DDX51: variants seen among roughly 807,000 people sequenced by gnomAD.
DDX51 encodes DEAD-box helicase 51.
DDX51 carries 67 observed loss-of-function variants against 74.6 expected under a neutral mutation model. The observed-to-expected ratio is 0.90, with a 90% CI of 0.74 to 1.10. DDX51 has a LOEUF of 1.10. Ranked by LOEUF, DDX51 falls within the 50% of genes least tolerant of loss-of-function variation. The probability of loss-of-function intolerance (pLI) is 0.00; values close to 1 mark genes in which losing one functional copy is unlikely to be tolerated. For missense variants in DDX51, 1,056 were observed against 905.2 expected (o/e 1.17, Z -2.14); for synonymous variants, 545 against 402.9 (o/e 1.35, Z -4.22).
rs959236342 is a variant in DDX51, at chr12:132,141,556, C to T, written c.1046G>A (p.Arg349His). ...GGTCTGGTCGATGTGGTCCACCAGGCGGCCGGGGGTGGCTACCACGATGTC... is the reference window on the plus strand; with the variant it reads ...GGTCTGGTCGATGTGGTCCACCAGGTGGCCGGGGGTGGCTACCACGATGTC... ...LADIVVATPG[R>H]LVDHIDQTPG... Residue 349 changes from arginine (R) to histidine (H), a missense_variant, in exon 7 of 15, where the codon CGC becomes CAC. By Grantham distance (29) the Arg-to-His change is conservative. Coordinates refer to ENST00000397333, the MANE Select transcript of DDX51 (RefSeq NM_175066.4). 1.1e-5 allele frequency: 17 copies of T among 1,604,136 alleles called. No homozygotes were observed. The highest frequency in any genetic ancestry group is 2.2e-5 in the South Asian group (2 of 90,694).
At chr12:132,139,465 G>T in intron 14 of DDX51, 167 bp from the exon 15 acceptor site, 1 of 1,521,270 alleles carries the variant, frequency 6.6e-7, no homozygotes, top group Non-Finnish European at 9.1e-7. Context: ...TTCCACCACT[G>T]GTGCCCAGGG....
In DDX51 at chr12:132,142,303, G is replaced by C. The variant is rs1459880451; in HGVS notation, c.790C>G (p.Leu264Val). Residue 264 changes from leucine to valine, a missense_variant, in exon 4 of 15, where the codon CTG becomes GTG. Coordinates refer to ENST00000397333, the MANE Select transcript of DDX51 (RefSeq NM_175066.4). ...TGCACCACAGGGATGACGAAGGCCA[G>C]TGTCTTCCCACTGCCTGTTGGGGCA... ...VSAPTGSGKT[L>V]AFVIPVVQAL... 6.2e-7 allele frequency: 1 copy of C among 1,613,000 alleles called. No individual in the cohort carries two copies. The highest frequency in any genetic ancestry group is 1.7e-5 in the Admixed American group (1 of 59,998).
chr12:132,140,234 C>G, intron 11 of DDX51, 35 bp from the exon 12 acceptor site: 1 of 1,600,220 alleles, frequency 6.2e-7, no homozygotes. Context: ...GCCCGACGTG[C>G]CAGGAGCAGG....
intron 13 of DDX51, 38 bp from the exon 14 acceptor site, chr12:132,139,807 C>T (rs773084442): frequency 1.2e-6 from 2 of 1,612,640 alleles, no homozygotes; most frequent in African/African-American, 2.7e-5. Flanking sequence ...GTTCTTGGGC[C>T]AGCCCCTTAA....
At position 132,141,831 on chromosome 12, in the gene DDX51, G is replaced by A. The variant is rs370652076; in HGVS notation, c.995+19C>T. 62 of 1,611,892 alleles carry A rather than the reference G, an allele frequency of 3.8e-5. No individual in the cohort carries two copies. Among genetic ancestry groups the A allele is most frequent in the South Asian group, 1.3e-4 (12 of 91,072 alleles). ...TGAGCAGGGACCCCCTGAAAAACCC[G>A]CACCCTGACACAACCTACGTTTTCT... On this transcript the variant is annotated intron_variant, in intron 6 of 14. Coordinates refer to ENST00000397333, the MANE Select transcript of DDX51 (RefSeq NM_175066.4).
Position 132,144,313 on chromosome 12 carries a change from G to T in DDX51, c.-17C>A. 3.0e-6 allele frequency: 4 copies of T among 1,342,602 alleles called. No individual in the cohort carries two copies. Among genetic ancestry groups the T allele is most frequent in the Middle Eastern group, 2.8e-4 (1 of 3,624 alleles). The allele number at this position is 1,342,602 out of a possible 1,614,324, so 83.2% of individuals were successfully genotyped here. On this transcript the variant is annotated 5_prime_UTR_variant, in exon 1 of 15. Transcript: ENST00000397333. ...CAGCGCCATGGCCAGCCGCACGCCT[G>T]GGACTCGGGCGTGGCGCGCTGCGAT...
At chr12:132,139,343 T>A in intron 14 of DDX51, 45 bp from the exon 15 acceptor site, 1 of 1,597,508 alleles carries the variant, frequency 6.3e-7, no homozygotes, top group Admixed American at 1.7e-5. Flanking sequence ...CTCTGTCCCC[T>A]CATCGTCTGT....
Position 132,142,953 on chromosome 12 carries a change from T to C in DDX51, c.520-75A>G, listed in dbSNP as rs148236756. Reference sequence around the variant, plus strand: ...CGCAGAAGCCCACGGTGGAAAAAGCTAGGGGAGGGAGGCTGGGGAAACCTC... The same window carrying C: ...CGCAGAAGCCCACGGTGGAAAAAGCCAGGGGAGGGAGGCTGGGGAAACCTC... On this transcript the variant is annotated intron_variant, in intron 2 of 14. Coordinates refer to ENST00000397333, the MANE Select transcript of DDX51 (RefSeq NM_175066.4). 484 of 1,596,634 alleles carry C rather than the reference T, an allele frequency of 3.0e-4. 6 individuals are homozygous for C. In the East Asian group the frequency reaches 0.011, roughly 35 times the overall value.
In DDX51 at chr12:132,141,774, G is replaced by C. The variant is rs528794538; in HGVS notation, c.995+76C>G. On this transcript the variant is annotated intron_variant, in intron 6 of 14. Transcript: ENST00000397333. ...GGTTAAAGATGGTGGCCCCTCCTCT[G>C]CTCCCACGGTGCCTCAGGCCACCTG... is the stretch of plus-strand genomic sequence containing the variant. 1.4e-5 allele frequency: 22 copies of C among 1,539,738 alleles called. No individual in the cohort carries two copies. In the South Asian group the frequency reaches 2.3e-4, roughly 16 times the overall value.
In DDX51 at chr12:132,140,531, AG is replaced by A. The variant is rs748313840; in HGVS notation, c.1564del (p.Leu522CysfsTer25). ...NSRENSHRLF[L>X]LVQAFGGVDV... ...CACACCCCCAAAAGCTTGCACCAGC[AG>A]GAAGAGCCTAGGCAGAGAGAAGGCT... On this transcript the variant is annotated frameshift_variant, in exon 11 of 15. Coordinates refer to ENST00000397333, the MANE Select transcript of DDX51 (RefSeq NM_175066.4). LOFTEE classifies it high-confidence loss of function. 5.3e-5 allele frequency: 85 copies of A among 1,612,932 alleles called. No individual in the cohort carries two copies. The highest frequency in any genetic ancestry group is 7.0e-5 in the Non-Finnish European group (83 of 1,180,014).
intron 11 of DDX51, 78 bp downstream of exon 11, chr12:132,140,345 C>G: frequency 6.3e-7 from 1 of 1,585,216 alleles, no homozygotes. Context: ...GAAGGAAGCA[C>G]CTTTTAGAGA....
In DDX51 at chr12:132,139,937, G is replaced by A. The variant is rs760956660; in HGVS notation, c.1776-13C>T. ...TGTCCTCCCAACCCTGGAATCAAACGCAGCTATCTCCAGACTGGCCCCTGA... is the reference window on the plus strand; with the variant it reads ...TGTCCTCCCAACCCTGGAATCAAACACAGCTATCTCCAGACTGGCCCCTGA... On this transcript the variant is annotated splice_polypyrimidine_tract_variant and intron_variant, in intron 12 of 14. Coordinates refer to ENST00000397333, the MANE Select transcript of DDX51 (RefSeq NM_175066.4). 22 of 1,612,884 alleles carry A rather than the reference G, an allele frequency of 1.4e-5. No homozygotes were observed. The highest frequency in any genetic ancestry group is 3.3e-5 in the South Asian group (3 of 91,084).
At chr12:132,143,003 C>T (rs1897535072) in intron 2 of DDX51, 125 bp from the exon 3 acceptor site, 1 of 1,300,830 alleles carries the variant, frequency 7.7e-7, no homozygotes, top group South Asian at 1.2e-5. Context: ...CCTTCTCAGC[C>T]CCAGGATGCG....
rs1897432017 is a variant in DDX51, at chr12:132,140,933, G to A, written c.1338C>T (p.Leu446=). The A allele has an allele frequency of 9.3e-6, 15 of 1,613,360 alleles. No homozygotes were observed. The highest frequency in any genetic ancestry group is 1.1e-5 in the Non-Finnish European group (13 of 1,179,940). Reference sequence around the variant, plus strand: ...CTGTGGAGAAAAGCCGGGGCTGGTGGAGGCCCAGCTGCTGCAGCTTTTCAG... The same window carrying A: ...CTGTGGAGAAAAGCCGGGGCTGGTGAAGGCCCAGCTGCTGCAGCTTTTCAG... ...QNPEKLQQLG[L]HQPRLFSTGL... The change falls in exon 9 of 15, where the codon CTC becomes CTT. Residue 446 remains leucine (L), a synonymous_variant. Coordinates refer to ENST00000397333, the MANE Select transcript of DDX51 (RefSeq NM_175066.4).
rs375705135 is a variant in DDX51 at position 132,139,631 on chromosome 12, T to C, written c.1974+4A>G. 2 of 1,613,042 alleles carry C rather than the reference T, an allele frequency of 1.2e-6. No individual in the cohort carries two copies. Among genetic ancestry groups the C allele is most frequent in the African/African-American group, 1.3e-5 (1 of 74,940 alleles). On this transcript the variant is annotated splice_donor_region_variant and intron_variant, in intron 14 of 14. Coordinates refer to ENST00000397333, the MANE Select transcript of DDX51 (RefSeq NM_175066.4). Reference sequence around the variant, plus strand: ...GGTTTCATGCCGGACTCTGGTGCCCTTACCTTGACAGACTCCTCCAGCTGG... The same window carrying C: ...GGTTTCATGCCGGACTCTGGTGCCCCTACCTTGACAGACTCCTCCAGCTGG...
At chr12:132,142,900 G>A (rs1897528803) in intron 2 of DDX51, 22 bp from the exon 3 acceptor site, 11 of 1,611,564 alleles carry the variant, frequency 6.8e-6, no homozygotes, top group African/African-American at 1.3e-5. Context: ...AAGAAAGAGA[G>A]GCCAGGTGAG....
rs999520576 is a variant in DDX51, at chr12:132,142,356, C to G, written c.737G>C (p.Gly246Ala). ...AACACAGAGGTCGCTAGGCCGGTAG[C>G]CACCTCTGCCCACCAGAAACCCACA... is the stretch of plus-strand genomic sequence containing the variant. Reference protein sequence around the residue: ...AACGFLVGRGGYRPSDLCVSA... With the variant: ...AACGFLVGRGAYRPSDLCVSA... Residue 246 changes from glycine to alanine, a missense_variant, in exon 4 of 15, where the codon GGC becomes GCC. By Grantham distance (60) the Gly-to-Ala change is moderately conservative. Transcript: ENST00000397333. 1 of 1,612,970 alleles carries G rather than the reference C, an allele frequency of 6.2e-7. No individual in the cohort carries two copies.
Position 132,143,713 on chromosome 12 carries a change from C to T in DDX51, c.501G>A (p.Gly167=), listed in dbSNP as rs1006920757. The change falls in exon 2 of 15, where the codon GGG becomes GGA. Residue 167 remains glycine (G), a synonymous_variant. Transcript: ENST00000397333. ...LVPGLVLGGF[G]KRKAPKVQPF... ...GGCTCACCTTCGGCGCCTTCCTCTT[C>T]CCGAACCCCCCCAGCACCAGGCCGG... The T allele has an allele frequency of 6.5e-6, 10 of 1,540,458 alleles. No individual in the cohort carries two copies. The highest frequency in any genetic ancestry group is 7.9e-6 in the Non-Finnish European group (9 of 1,145,216).
At chr12:132,139,445 T>C (rs1410230135) in intron 14 of DDX51, 147 bp from the exon 15 acceptor site, 1 of 1,511,554 alleles carries the variant, frequency 6.6e-7, no homozygotes, top group Admixed American at 1.8e-5. Context: ...CCCTCCCTGG[T>C]GCCACGTGTT....
Sources: allele counts gnomAD v4.1 joint callset, GRCh38; gene constraint gnomAD v4.1.1; transcripts MANE v1.5; gene names NCBI Gene and HGNC (gene_info 2026-07-23, HGNC 2026-07-21).